The following KATNIP variants were observed in gnomAD, a reference collection of about 807,000 sequenced individuals.
The protein encoded by KATNIP is katanin interacting protein, also known as katanin-interacting protein.
KATNIP carries 126 observed loss-of-function variants against 174.0 expected under a neutral mutation model. That is an observed-to-expected ratio of 0.72 (90% CI 0.63 to 0.84). The LOEUF is 0.84. Among genes scored for constraint, KATNIP ranks in the 40% least tolerant of loss-of-function variants. The pLI is 0.00. For missense variants in KATNIP, 1,958 were observed against 2,109.7 expected (o/e 0.93, Z 1.41); for synonymous variants, 810 against 835.7 (o/e 0.97, Z 0.53).
chr16:27,560,996 G>T (rs1035699057), intron 1 of KATNIP, among the ~76,000 whole-genome samples: 1 of 151,922 alleles, frequency 6.6e-6, no homozygotes, highest in African/African-American at 2.4e-5. Context: ...GACCGTGGCT[G>T]CATCCTTTTT....
intron 14 of KATNIP, among the ~76,000 whole-genome samples, chr16:27,723,909 T>G (rs2080340363): frequency 6.6e-6 from 1 of 151,942 alleles, no homozygotes; most frequent in Non-Finnish European, 1.5e-5. Context: ...CGTGAGCACC[T>G]GTCAGTTGCG....
In KATNIP at chr16:27,606,705, T is replaced by C. The variant is rs1403689565; in HGVS notation, c.64-11720T>C. Among the ~76,000 whole-genome samples, 9 of 151,864 alleles carry C rather than the reference T, an allele frequency of 5.9e-5. 1 individual carries two copies. Among genetic ancestry groups the C allele is most frequent in the Non-Finnish European group, 1.5e-5 (1 of 67,972 alleles). On this transcript the variant is annotated intron_variant, in intron 2 of 27. Coordinates refer to ENST00000261588, the MANE Select transcript of KATNIP (RefSeq NM_015202.5). ...CCATTCTGCTGTCTCTATGTTTGTG[T>C]CATCAGTCTTGGACAGATTTTTCTA...
intron 15 of KATNIP, among the ~76,000 whole-genome samples, chr16:27,744,829 C>T (rs900477816): frequency 6.6e-6 from 1 of 151,648 alleles, no homozygotes; most frequent in African/African-American, 2.4e-5. Context: ...GCATGAGAAT[C>T]GCTTGAGCTC....
intron 2 of KATNIP, among the ~76,000 whole-genome samples, chr16:27,596,673 C>T (rs761115320): frequency 4.6e-5 from 7 of 152,052 alleles, no homozygotes; most frequent in Non-Finnish European, 2.9e-5. Context: ...ATTACTTGCC[C>T]GAGCCCAGGA....
chr16:27,677,865 C>A lies in KATNIP; in HGVS notation c.677C>A (p.Pro226His). 4 of 1,614,212 alleles carry A rather than the reference C, an allele frequency of 2.5e-6. No homozygotes were observed. Among genetic ancestry groups the A allele is most frequent in the Non-Finnish European group, 2.5e-6 (3 of 1,180,048 alleles). Residue 226 changes from proline (P) to histidine (H), a missense_variant, in exon 7 of 28, where the codon CCC becomes CAC. Pro to His is a moderately conservative substitution (Grantham distance 77, BLOSUM62 -2). Coordinates refer to ENST00000261588, the MANE Select transcript of KATNIP (RefSeq NM_015202.5). ...EPEDPALVGH[P>H]RHDRPPSSGD... The stretch of plus-strand genomic sequence containing the variant: ...GAGGACCCGGCACTGGTGGGCCATC[C>A]CAGACATGACCGCCCTCCTTCCAGT...
At chr16:27,578,470 A>G (rs933991535) in intron 2 of KATNIP, among the ~76,000 whole-genome samples, 5 of 152,212 alleles carry the variant, frequency 3.3e-5, no homozygotes, top group African/African-American at 1.2e-4. Context: ...ACCAAAGAAG[A>G]GAATGATAAA....
chr16:27,575,392 C>T (rs1309913354), intron 2 of KATNIP, among the ~76,000 whole-genome samples: 1 of 152,142 alleles, frequency 6.6e-6, no homozygotes, highest in Non-Finnish European at 1.5e-5. Flanking sequence ...GATCATGTCC[C>T]AGGCTTATGA....
chr16:27,752,991 G>T (rs1490828349), intron 17 of KATNIP, among the ~76,000 whole-genome samples: 1 of 152,244 alleles, frequency 6.6e-6, no homozygotes, highest in Non-Finnish European at 1.5e-5. Context: ...GGGCTGGGCT[G>T]TGGGAAGGTC....
chr16:27,566,749 G>A (rs2090105442), intron 1 of KATNIP, among the ~76,000 whole-genome samples: 1 of 152,120 alleles, frequency 6.6e-6, no homozygotes, highest in South Asian at 2.1e-4. Flanking sequence ...TGTGACCCAT[G>A]CGGCTTTGTC....
chr16:27,737,844 CA>C (rs1275839472), intron 14 of KATNIP, among the ~76,000 whole-genome samples: 4 of 152,144 alleles, frequency 2.6e-5, no homozygotes, highest in Middle Eastern at 3.2e-3. Context: ...TTCTGAGAGT[CA>C]TTAGTAATGA....
chr16:27,614,384 C>T lies in KATNIP; in HGVS notation c.64-4041C>T, dbSNP rs560891766. 2.6e-4 allele frequency among the ~76,000 whole-genome samples: 39 copies of T among 152,334 alleles called. No individual in the cohort carries two copies. The South Asian group carries it at 2.9e-3, about 11-fold the overall frequency. On this transcript the variant is annotated intron_variant, in intron 2 of 27. Transcript: ENST00000261588. Reference sequence around the variant, plus strand: ...CCATGTTGTCCAGGCTGGTCTTGAACTCCTGATCTCAGGTGATCCACCTGC... The same window carrying T: ...CCATGTTGTCCAGGCTGGTCTTGAATTCCTGATCTCAGGTGATCCACCTGC...
chr16:27,690,448 C>G (rs538840894), intron 8 of KATNIP, among the ~76,000 whole-genome samples: 127 of 152,182 alleles, frequency 8.3e-4, no homozygotes, highest in Non-Finnish European at 1.1e-3. Context: ...GAAACAGACA[C>G]TAGCTCCTAA....
At chr16:27,756,403 G>A (rs1281310875) in intron 18 of KATNIP, among the ~76,000 whole-genome samples, 1 of 152,158 alleles carries the variant, frequency 6.6e-6, no homozygotes, top group Non-Finnish European at 1.5e-5. Context: ...GCCTTATCTC[G>A]CTGTAACACT....
chr16:27,767,785 A>C (rs1456552780), intron 20 of KATNIP, among the ~76,000 whole-genome samples: 1 of 152,222 alleles, frequency 6.6e-6, no homozygotes, highest in East Asian at 1.9e-4. Context: ...CTCCCCGTGT[A>C]GCAGGAGCTT....
intron 20 of KATNIP, among the ~76,000 whole-genome samples, chr16:27,768,252 A>C (rs2082186519): frequency 6.6e-6 from 1 of 152,174 alleles, no homozygotes; most frequent in Admixed American, 6.5e-5. Context: ...TGGGGCTTCA[A>C]ATCCCTTCAG....
rs750894792 is a variant in KATNIP, at chr16:27,662,049, C to CATATATATAT, written c.540+13328_540+13337dup. ...ATATATATATATATATATACACATA[C>CATATATATAT]ATATATATATATATATATATATACA... On this transcript the variant is annotated intron_variant, in intron 6 of 27. Transcript: ENST00000261588. 2.8e-3 allele frequency among the ~76,000 whole-genome samples: 24 copies of CATATATATAT among 8,628 alleles called. 5 individuals carry two copies. Among genetic ancestry groups the CATATATATAT allele is most frequent in the Non-Finnish European group, 4.0e-3 (19 of 4,722 alleles). The allele number at this position is 8,628 out of a possible 152,430, so 5.7% of individuals were successfully genotyped here.
chr16:27,676,467 TC>T (rs1463879016), intron 6 of KATNIP, among the ~76,000 whole-genome samples: 1 of 152,144 alleles, frequency 6.6e-6, no homozygotes, highest in Non-Finnish European at 1.5e-5. Context: ...CCTCAGGAGT[TC>T]ACAGGTTCTA....
At chr16:27,677,597 A>G in intron 6 of KATNIP, 132 bp from the exon 7 acceptor site, 1 of 943,600 alleles carries the variant, frequency 1.1e-6, no homozygotes, top group Non-Finnish European at 1.5e-6. Flanking sequence ...CAGTGACATC[A>G]CAAGGGTTGA....
At chr16:27,751,670 C>G (rs1567399035) in intron 16 of KATNIP, 49 bp from the exon 17 acceptor site, 2 of 1,575,308 alleles carry the variant, frequency 1.3e-6, no homozygotes, top group East Asian at 2.2e-5. Context: ...CTACAAATCT[C>G]TGGGATGTGA....
Sources: allele counts gnomAD v4.1 joint callset (sites outside exome capture counted in the v4.1 genomes callset), GRCh38; gene constraint gnomAD v4.1.1; transcripts MANE v1.5; gene names NCBI Gene and HGNC (gene_info 2026-07-23, HGNC 2026-07-21).